ZSCAN18: variants seen among roughly 807,000 people sequenced by gnomAD.
ZSCAN18 encodes zinc finger and SCAN domain containing 18, also known as zinc finger and SCAN domain-containing protein 18.
ZSCAN18 carries 16 observed loss-of-function variants against 31.1 expected under a neutral mutation model. The observed-to-expected ratio is 0.51, with a 90% CI of 0.35 to 0.78. The LOEUF is 0.78. Among genes scored for constraint, ZSCAN18 ranks in the 30% least tolerant of loss-of-function variants. ZSCAN18 has a pLI of 0.01. For synonymous variants in ZSCAN18, 375 were observed against 320.7 expected (o/e 1.17, Z -1.81); for missense variants, 731 against 697.4 (o/e 1.05, Z -0.54).
rs771595694 is a variant in ZSCAN18, at chr19:58,090,115, A to G, written c.153T>C (p.Arg51=). The G allele has an allele frequency of 1.2e-6, 2 of 1,613,776 alleles. No individual in the cohort carries two copies. The highest frequency in any genetic ancestry group is 1.7e-6 in the Non-Finnish European group (2 of 1,179,872). ...CCTCCTGGTAGACAAATTCCCGGAA[A>G]CGCAGGCGGGAGAACTCCAGGTCAG... is the stretch of plus-strand genomic sequence containing the variant. ...TPADLEFSRL[R]FREFVYQEAA... Residue 51 remains arginine (R), a synonymous_variant, in exon 2 of 7, where the codon CGT becomes CGC. Coordinates refer to ENST00000601144, the MANE Select transcript of ZSCAN18 (RefSeq NM_001145543.2). This position sits in a 1 kb window ranked among gnomAD's most constrained non-coding sequence, Gnocchi z 4.7.
intron 1 of ZSCAN18, among the ~76,000 whole-genome samples, chr19:58,096,759 C>T (rs1158791864): frequency 6.6e-6 from 1 of 152,182 alleles, no homozygotes; most frequent in Non-Finnish European, 1.5e-5. Context: ...GATGGGTCGC[C>T]GGATATTCCC....
At chr19:58,106,230 C>T (rs1445321964) in intron 1 of ZSCAN18, among the ~76,000 whole-genome samples, 2 of 151,728 alleles carry the variant, frequency 1.3e-5, no homozygotes, top group Non-Finnish European at 2.9e-5. Context: ...GGTGAGATGC[C>T]GTCTCTACAA....
upstream of ZSCAN18, among the ~76,000 whole-genome samples, chr19:58,100,414 A>C (rs750534983): frequency 1.3e-5 from 2 of 152,102 alleles, no homozygotes; most frequent in African/African-American, 2.4e-5. Context: ...CAGCTCTCTC[A>C]ATCGTGGGGC....
intron 1 of ZSCAN18, among the ~76,000 whole-genome samples, chr19:58,094,280 A>T (rs1349293113): frequency 6.6e-6 from 1 of 151,644 alleles, no homozygotes; most frequent in African/African-American, 2.4e-5. Context: ...GCATGGTGGC[A>T]GGCGCCCGTA....
At chr19:58,097,982 C>T in intron 1 of ZSCAN18, 192 bp downstream of exon 1, 1 of 985,858 alleles carries the variant, frequency 1.0e-6, no homozygotes, top group African/African-American at 1.7e-5. Flanking sequence ...CGGGGGGACC[C>T]GGCCCCTGCC....
chr19:58,098,732 G>T (rs1210608962), upstream of ZSCAN18, among the ~76,000 whole-genome samples: 1 of 152,172 alleles, frequency 6.6e-6, no homozygotes. Context: ...TCAGGCTCAG[G>T]AAAAGAGAGA....
At position 58,090,202 on chromosome 19, in the gene ZSCAN18, C is replaced by T. The variant is rs542057756; in HGVS notation, c.66G>A (p.Thr22=). 1.5e-5 allele frequency: 24 copies of T among 1,613,674 alleles called. No homozygotes were observed. Among genetic ancestry groups the T allele is most frequent in the African/African-American group, 6.7e-5 (5 of 75,034 alleles). The change falls in exon 2 of 7, where the codon ACG becomes ACA. Residue 22 remains threonine, a synonymous_variant. Coordinates refer to ENST00000601144, the MANE Select transcript of ZSCAN18 (RefSeq NM_001145543.2). The surrounding 1 kb of genome is among the most constrained non-coding windows in gnomAD (Gnocchi z 4.7). ...RSSPAPPDLP[T]PGSAAGVQQE... is the part of the protein sequence containing the mutation. ...GCTGGACTCCGGCTGCTGACCCCGG[C>T]GTGGGCAGATCCGGCGGGGCTGGGG...
intron 1 of ZSCAN18, chr19:58,107,739 G>A (rs769916391): frequency 6.3e-5 from 62 of 990,134 alleles, no homozygotes; most frequent in Non-Finnish European, 7.4e-5. Flanking sequence ...CACTGCCACA[G>A]ATGCTCACTG....
chr19:58,102,742 C>T (rs1419197663), upstream of ZSCAN18, among the ~76,000 whole-genome samples: 1 of 150,244 alleles, frequency 6.7e-6, no homozygotes, highest in Middle Eastern at 3.2e-3. Context: ...CTCAAATGGA[C>T]TCTCACTAGT....
chr19:58,087,415 G>A lies in ZSCAN18; in HGVS notation c.554-11C>T. On this transcript the variant is annotated splice_polypyrimidine_tract_variant and intron_variant, in intron 3 of 6. Coordinates refer to ENST00000601144, the MANE Select transcript of ZSCAN18 (RefSeq NM_001145543.2). ...CCGGAGAAAGCCAGGCTGGGGAGAAGGAGAGGCAGAGCTGAGGCAATGAGC... is the reference window on the plus strand; with the variant it reads ...CCGGAGAAAGCCAGGCTGGGGAGAAAGAGAGGCAGAGCTGAGGCAATGAGC... The A allele has an allele frequency of 6.3e-7, 1 of 1,593,766 alleles. No homozygotes were observed. Among genetic ancestry groups the A allele is most frequent in the Non-Finnish European group, 8.6e-7 (1 of 1,169,252 alleles).
Position 58,089,857 on chromosome 19 carries a change from C to T in ZSCAN18, c.403+8G>A. 1.2e-6 allele frequency: 2 copies of T among 1,602,136 alleles called. No individual in the cohort carries two copies. Among genetic ancestry groups the T allele is most frequent in the Non-Finnish European group, 1.7e-6 (2 of 1,172,698 alleles). On this transcript the variant is annotated splice_region_variant and intron_variant, in intron 2 of 6. Transcript: ENST00000601144. Reference sequence around the variant, plus strand: ...TCTGAGCCATGCTTCTCCTCTGTGACAGCCCACCTGGCTCTTCCAGGACAT... The same window carrying T: ...TCTGAGCCATGCTTCTCCTCTGTGATAGCCCACCTGGCTCTTCCAGGACAT...
At chr19:58,096,243 C>T (rs932180424) in intron 1 of ZSCAN18, among the ~76,000 whole-genome samples, 1 of 152,128 alleles carries the variant, frequency 6.6e-6, no homozygotes, top group Non-Finnish European at 1.5e-5. Context: ...AATAGAGATA[C>T]CACTGGGACC....
rs767807216 is a variant in ZSCAN18 at position 58,085,217 on chromosome 19, T to C, written c.1001A>G (p.Asp334Gly). 2 of 1,608,366 alleles carry C rather than the reference T, an allele frequency of 1.2e-6. No individual in the cohort carries two copies. Among genetic ancestry groups the C allele is most frequent in the East Asian group, 4.5e-5 (2 of 44,816 alleles). Residue 334 changes from aspartate (D) to glycine (G), a missense_variant, in exon 7 of 7, where the codon GAC (aspartate) becomes GGC (glycine). By Grantham distance (94) the Asp-to-Gly change is moderately conservative. Transcript: ENST00000601144. ...CTCCGCGTCCTGGGGGTCCTGCGGG[T>C]CCGGGGCCTTCCCAGGCTGCTCTTC... ...EEEEQPGKAPDPQDPQDAESD... is the reference protein window; with the variant it reads ...EEEEQPGKAPGPQDPQDAESD...
chr19:58,085,807 C>A, intron 6 of ZSCAN18: 1 of 321,608 alleles, frequency 3.1e-6, no homozygotes, highest in Non-Finnish European at 5.7e-6. Context: ...CCCCCAGCGA[C>A]AAGCCCCCTG....
At chr19:58,098,331 G>C (rs2074561887), upstream of ZSCAN18, 12 of 985,476 alleles carry the variant, frequency 1.2e-5, no homozygotes, top group Non-Finnish European at 1.4e-5. Context: ...AGGGAGCCGT[G>C]ACAGGTGACA....
At chr19:58,089,549 C>A (rs1039529687) in intron 2 of ZSCAN18, among the ~76,000 whole-genome samples, 1 of 152,154 alleles carries the variant, frequency 6.6e-6, no homozygotes, top group East Asian at 1.9e-4. Context: ...TTGCTTGAAC[C>A]CAGGAGGTGG....
chr19:58,093,423 C>G (rs1430216792), intron 1 of ZSCAN18: 2 of 152,154 alleles, frequency 1.3e-5, no homozygotes, highest in African/African-American at 4.8e-5. Context: ...TATGGAGAAG[C>G]AGGATAGCTA....
At chr19:58,112,416 C>G (rs966667879) in intron 1 of ZSCAN18, among the ~76,000 whole-genome samples, 4 of 151,926 alleles carry the variant, frequency 2.6e-5, no homozygotes, top group African/African-American at 4.8e-5. Flanking sequence ...TTTGGGAGGC[C>G]GAGGTGGGCG....
chr19:58,088,816 G>A lies in ZSCAN18; in HGVS notation c.425C>T (p.Ala142Val), dbSNP rs73058515. ...ATCGCTAAGAATTGAGGATGAGCCC[G>A]CAGGGGAGCCCAGCAGCATCCCTGT... ...EEPGMLLGSP[A>V]GSSSILSDGV... Residue 142 changes from alanine (A) to valine (V), a missense_variant, in exon 3 of 7, where the codon GCG becomes GTG. Transcript: ENST00000601144. 5.0e-6 allele frequency: 8 copies of A among 1,612,322 alleles called. No individual in the cohort carries two copies. The highest frequency in any genetic ancestry group is 1.3e-5 in the African/African-American group (1 of 74,926).
Sources: allele counts gnomAD v4.1 joint callset (sites outside exome capture counted in the v4.1 genomes callset), GRCh38; gene constraint gnomAD v4.1.1; non-coding constraint Gnocchi (gnomAD v3.1); transcripts MANE v1.5; gene names NCBI Gene and HGNC (gene_info 2026-07-23, HGNC 2026-07-21).